TMTC2: variants seen among roughly 807,000 people sequenced by gnomAD.
TMTC2 encodes the protein transmembrane O-mannosyltransferase targeting cadherins 2, also known as protein O-mannosyl-transferase TMTC2.
TMTC2 carries 43 observed loss-of-function variants against 82.4 expected under a neutral mutation model. The observed-to-expected ratio is 0.52, with a 90% CI of 0.41 to 0.67. TMTC2 has a LOEUF of 0.67. TMTC2 is among the 30% of genes least tolerant of loss of function. The pLI is 0.00. For synonymous variants in TMTC2, 408 were observed against 381.9 expected (o/e 1.07, Z -0.80); for missense variants, 919 against 1,012.4 (o/e 0.91, Z 1.25).
At chr12:82,792,293 A>G (rs551928539) in intron 1 of TMTC2, among the ~76,000 whole-genome samples, 5 of 152,234 alleles carry the variant, frequency 3.3e-5, no homozygotes, top group Admixed American at 2.0e-4. Flanking sequence ...AAATTCACAT[A>G]ACATAAAATT....
intron 3 of TMTC2, among the ~76,000 whole-genome samples, chr12:82,907,172 A>G (rs1475419917): frequency 6.6e-6 from 1 of 152,098 alleles, no homozygotes; most frequent in Non-Finnish European, 1.5e-5. Context: ...CGCCTTTAAG[A>G]ATGAATTGGG....
At chr12:82,965,166 C>T in intron 5 of TMTC2, 57 bp downstream of exon 5, 1 of 1,289,742 alleles carries the variant, frequency 7.8e-7, no homozygotes, top group Non-Finnish European at 1.1e-6. Context: ...TGAAAATTAA[C>T]TCTAATTTAC....
intron 1 of TMTC2, among the ~76,000 whole-genome samples, chr12:82,739,654 A>G (rs1014304114): frequency 2.0e-5 from 3 of 151,454 alleles, no homozygotes; most frequent in Admixed American, 6.6e-5. Context: ...TCTATAAGAC[A>G]TTTTACAATC....
chr12:82,781,647 T>C (rs1877914546), intron 1 of TMTC2, among the ~76,000 whole-genome samples: 1 of 151,746 alleles, frequency 6.6e-6, no homozygotes, highest in African/African-American at 2.4e-5. Flanking sequence ...ACAGAAGAAG[T>C]AGGCCATTTG....
chr12:82,891,390 C>G (rs1254054130), intron 2 of TMTC2, among the ~76,000 whole-genome samples: 1 of 152,166 alleles, frequency 6.6e-6, no homozygotes, highest in East Asian at 1.9e-4. Flanking sequence ...CTCACTGCAA[C>G]CTCCGCCTCC....
At chr12:82,735,989 A>T (rs899318886) in intron 1 of TMTC2, among the ~76,000 whole-genome samples, 37 of 151,494 alleles carry the variant, frequency 2.4e-4, no homozygotes, top group African/African-American at 9.0e-4. Context: ...ACACACACAC[A>T]CACACACACA....
At chr12:83,120,143 T>G (rs1231359513) in intron 11 of TMTC2, among the ~76,000 whole-genome samples, 2 of 152,212 alleles carry the variant, frequency 1.3e-5, no homozygotes, top group Admixed American at 1.3e-4. Flanking sequence ...ACGTTAGTAT[T>G]GAGACATGAG....
chr12:83,076,580 T>C (rs1301427726), intron 11 of TMTC2, among the ~76,000 whole-genome samples: 1 of 152,198 alleles, frequency 6.6e-6, no homozygotes, highest in Non-Finnish European at 1.5e-5. Flanking sequence ...TCAGTTTGGG[T>C]GACTAGTGGC....
At chr12:82,808,029 G>T (rs1879320009) in intron 1 of TMTC2, among the ~76,000 whole-genome samples, 1 of 151,810 alleles carries the variant, frequency 6.6e-6, no homozygotes, top group South Asian at 2.1e-4. Context: ...ATTGGATGCA[G>T]AAATTGGCAT....
At chr12:82,868,805 T>C (rs1872016918) in intron 2 of TMTC2, among the ~76,000 whole-genome samples, 2 of 151,940 alleles carry the variant, frequency 1.3e-5, no homozygotes, top group South Asian at 4.2e-4. Context: ...AGAATCTCTA[T>C]ATAATAAACC....
At chr12:82,815,383 T>C (rs1235587579) in intron 1 of TMTC2, among the ~76,000 whole-genome samples, 1 of 151,902 alleles carries the variant, frequency 6.6e-6, no homozygotes, top group Non-Finnish European at 1.5e-5. Context: ...CTATCTCGGC[T>C]CACTGCAAGC....
chr12:83,130,944 A>C (rs1298269395), intron 11 of TMTC2, among the ~76,000 whole-genome samples: 1 of 152,200 alleles, frequency 6.6e-6, no homozygotes, highest in African/African-American at 2.4e-5. Flanking sequence ...CCCCCAAGTC[A>C]ATTTATTCTA....
At chr12:83,126,678 G>C (rs371584090) in intron 11 of TMTC2, among the ~76,000 whole-genome samples, 1 of 151,804 alleles carries the variant, frequency 6.6e-6, no homozygotes, top group Non-Finnish European at 1.5e-5. Context: ...GTATATGGGT[G>C]GGGGGGCAAG....
At chr12:82,955,331 A>G (rs1565826635) in intron 4 of TMTC2, among the ~76,000 whole-genome samples, 2 of 152,144 alleles carry the variant, frequency 1.3e-5, no homozygotes, top group Admixed American at 1.3e-4. Flanking sequence ...TTCTCTGTCA[A>G]TGTTTAGGAT....
At chr12:82,885,271 T>C (rs1302875496) in intron 2 of TMTC2, among the ~76,000 whole-genome samples, 2 of 152,112 alleles carry the variant, frequency 1.3e-5, no homozygotes, top group Admixed American at 6.5e-5. Context: ...TGTCTTTCCA[T>C]TGGAATTTGT....
intron 9 of TMTC2, among the ~76,000 whole-genome samples, chr12:83,035,838 A>G (rs1224045340): frequency 6.6e-6 from 1 of 152,174 alleles, no homozygotes; most frequent in Non-Finnish European, 1.5e-5. Flanking sequence ...ATACATTATA[A>G]ACCTTTAGTG....
chr12:82,957,299 G>A (rs978119150), intron 4 of TMTC2, among the ~76,000 whole-genome samples: 2 of 151,968 alleles, frequency 1.3e-5, no homozygotes, highest in African/African-American at 2.4e-5. Flanking sequence ...GGTAAACAAC[G>A]AAATTAAAAC....
chr12:82,739,147 TAAA>T (rs59846972), intron 1 of TMTC2, among the ~76,000 whole-genome samples: 38 of 139,282 alleles, frequency 2.7e-4, no homozygotes, highest in Non-Finnish European at 2.9e-4. Context: ...GACTCTGTCT[TAAA>T]AAAAAAAAAA....
chr12:82,964,953 T>C, intron 4 of TMTC2, 71 bp from the exon 5 acceptor site: 1 of 1,001,432 alleles, frequency 1.0e-6, no homozygotes, highest in Non-Finnish European at 1.5e-6. Context: ...TTTTGGAATA[T>C]AAAATAAAAA....
Sources: allele counts gnomAD v4.1 joint callset (sites outside exome capture counted in the v4.1 genomes callset), GRCh38; gene constraint gnomAD v4.1.1; transcripts MANE v1.5; gene names NCBI Gene and HGNC (gene_info 2026-07-23, HGNC 2026-07-21).